The following POC5 variants were observed in gnomAD, a reference collection of about 807,000 sequenced individuals.
The protein encoded by POC5 is centrosomal protein POC5.
In POC5, 48 loss-of-function variants were observed where a neutral mutation model predicts 62.9. The ratio of observed to expected loss-of-function variants is 0.76; its 90% confidence interval spans 0.61 to 0.97. The LOEUF is 0.97. POC5 is among the 50% of genes least tolerant of loss of function. POC5 has a pLI of 0.00. For synonymous variants in POC5, 236 were observed against 228.2 expected, an observed-to-expected ratio of 1.03 and a Z score of -0.31; for missense variants, 696 against 679.5, an observed-to-expected ratio of 1.02 and a Z score of -0.27.
intron 9 of POC5, among the ~76,000 whole-genome samples, chr5:75,687,094 G>T (rs898695785): frequency 6.6e-6 from 1 of 152,032 alleles, no homozygotes; most frequent in Non-Finnish European, 1.5e-5. Context: ...GCAGTGGCAT[G>T]ATCTCAGCTC....
chr5:75,712,535 G>A (rs1348893256), intron 2 of POC5: 2 of 1,318,714 alleles, frequency 1.5e-6, no homozygotes, highest in African/African-American at 3.0e-5. Flanking sequence ...AAAAGTGAAA[G>A]TAGCATTCAT....
intron 5 of POC5, among the ~76,000 whole-genome samples, chr5:75,695,556 C>T (rs114816280): frequency 1.1e-3 from 172 of 152,182 alleles, no homozygotes; most frequent in African/African-American, 4.0e-3. Context: ...TGCCACAGAA[C>T]TCACATGGGC....
At chr5:75,687,768 T>C (rs1444658115) in intron 9 of POC5, among the ~76,000 whole-genome samples, 2 of 152,232 alleles carry the variant, frequency 1.3e-5, no homozygotes, top group Non-Finnish European at 2.9e-5. Context: ...GAAGTTCTAA[T>C]AGGAATTTGT....
intron 5 of POC5, among the ~76,000 whole-genome samples, chr5:75,700,748 A>G (rs1776840265): frequency 7.1e-6 from 1 of 140,108 alleles, no homozygotes; most frequent in African/African-American, 2.5e-5. Context: ...GAGCTTCTGC[A>G]CAGCAAAACA....
At chr5:75,691,295 A>T (rs896435258) in intron 7 of POC5, among the ~76,000 whole-genome samples, 8 of 152,156 alleles carry the variant, frequency 5.3e-5, no homozygotes, top group African/African-American at 7.2e-5. Flanking sequence ...GGGATTAATT[A>T]AAAAAATGAA....
chr5:75,689,713 T>C (rs1331022600), intron 8 of POC5: 2 of 971,108 alleles, frequency 2.1e-6, no homozygotes, highest in African/African-American at 1.8e-5. Context: ...GGATTTATTT[T>C]TAATCTTAAC....
chr5:75,695,554 A>G (rs1776527826), intron 5 of POC5, among the ~76,000 whole-genome samples: 1 of 152,210 alleles, frequency 6.6e-6, no homozygotes, highest in Non-Finnish European at 1.5e-5. Context: ...AATGCCACAG[A>G]ACTCACATGG....
chr5:75,716,267 CT>C (rs1742550550), intron 1 of POC5, among the ~76,000 whole-genome samples: 1 of 151,516 alleles, frequency 6.6e-6, no homozygotes, highest in African/African-American at 2.4e-5. Context: ...GTGCATGTAT[CT>C]GCAGCAAGGA....
chr5:75,715,139 C>T (rs890009051), intron 1 of POC5, among the ~76,000 whole-genome samples: 1 of 151,880 alleles, frequency 6.6e-6, no homozygotes, highest in South Asian at 2.1e-4. Context: ...GGTGAAACCC[C>T]GTCTCCACTA....
At chr5:75,706,031 TCTACTATAG>T (rs1328365166) in intron 3 of POC5, among the ~76,000 whole-genome samples, 1 of 152,214 alleles carries the variant, frequency 6.6e-6, no homozygotes, top group African/African-American at 2.4e-5. Context: ...GATAATGTAG[TCTACTATAG>T]CATTCAATTC....
intron 3 of POC5, 79 bp from the exon 4 acceptor site, chr5:75,705,866 T>C: frequency 1.2e-6 from 1 of 830,736 alleles, no homozygotes; most frequent in Non-Finnish European, 1.8e-6. Context: ...TTTAAGAAGG[T>C]AGCAGTACAT....
At chr5:75,708,927 G>C (rs1260603066) in intron 2 of POC5, among the ~76,000 whole-genome samples, 3 of 152,066 alleles carry the variant, frequency 2.0e-5, no homozygotes, top group African/African-American at 7.2e-5. Flanking sequence ...CTGCCTCCCA[G>C]GTTCAAGCGA....
At chr5:75,679,450 G>A (rs1775793077) in intron 10 of POC5, among the ~76,000 whole-genome samples, 1 of 152,140 alleles carries the variant, frequency 6.6e-6, no homozygotes, top group Non-Finnish European at 1.5e-5. Context: ...ATACTGAAAT[G>A]GGAAGAGAGT....
chr5:75,698,777 G>C (rs1288970695), intron 5 of POC5, among the ~76,000 whole-genome samples: 3 of 151,940 alleles, frequency 2.0e-5, no homozygotes, highest in African/African-American at 7.3e-5. Flanking sequence ...ATGAATCCAG[G>C]AGCTGGTTTT....
At chr5:75,690,089 A>C (rs542646039) in intron 8 of POC5, among the ~76,000 whole-genome samples, 1 of 152,236 alleles carries the variant, frequency 6.6e-6, no homozygotes, top group South Asian at 2.1e-4. Context: ...CATGTTGACC[A>C]GGCTGGTCTC....
intron 2 of POC5, chr5:75,712,179 A>G (rs1777373191): frequency 3.7e-6 from 1 of 273,468 alleles, no homozygotes; most frequent in Admixed American, 6.5e-5. Context: ...ATCAATAACA[A>G]TTTCATATGC....
In POC5 at chr5:75,712,952, C is replaced by A; in HGVS notation, c.-14-1G>T. 2 of 1,593,976 alleles carry A rather than the reference C, an allele frequency of 1.3e-6. No individual in the cohort carries two copies. Among genetic ancestry groups the A allele is most frequent in the Non-Finnish European group, 1.7e-6 (2 of 1,169,450 alleles). On this transcript the variant is annotated splice_acceptor_variant, in intron 1 of 11. Coordinates refer to ENST00000428202, the MANE Select transcript of POC5 (RefSeq NM_001099271.2). LOFTEE classifies it low-confidence loss of function (5UTR_SPLICE). ...TCTGATGACATTCTGCACAAATGCTCTAAAACAGTAGAAGCTAACTTTAGC... is the reference window on the plus strand; with the variant it reads ...TCTGATGACATTCTGCACAAATGCTATAAAACAGTAGAAGCTAACTTTAGC...
chr5:75,686,962 C>G (rs1454458456), intron 9 of POC5, among the ~76,000 whole-genome samples: 3 of 152,042 alleles, frequency 2.0e-5, no homozygotes, highest in Non-Finnish European at 4.4e-5. Flanking sequence ...AATAAAAAAC[C>G]AAATATTTAT....
rs1777091592 is a variant in POC5 at position 75,705,776 on chromosome 5, CAG to C, written c.233_234del (p.Ser78Ter). 3 of 1,543,626 alleles carry C rather than the reference CAG, an allele frequency of 1.9e-6. No homozygotes were observed. Among genetic ancestry groups the C allele is most frequent in the East Asian group, 2.4e-5 (1 of 41,736 alleles). ...ACTTCTATTGCAGTTTCTCTTACTT[CAG>C]AGTTATTTCCTGCCAAAAAGAAAGC... ...HDILHSQGNN[S>X]EVRETAIEVG... On this transcript the variant is annotated frameshift_variant, in exon 4 of 12. Coordinates refer to ENST00000428202, the MANE Select transcript of POC5 (RefSeq NM_001099271.2). LOFTEE classifies it high-confidence loss of function.
Sources: allele counts gnomAD v4.1 joint callset (sites outside exome capture counted in the v4.1 genomes callset), GRCh38; gene constraint gnomAD v4.1.1; transcripts MANE v1.5; gene names NCBI Gene and HGNC (gene_info 2026-07-23, HGNC 2026-07-21).